Variants in TENM2 observed in about 807,000 individuals in gnomAD.
TENM2 encodes teneurin transmembrane protein 2, also known as teneurin-2.
Under a neutral mutation model 245.2 loss-of-function variants are expected in TENM2, and 52 were observed. The observed-to-expected ratio is 0.21, with a 90% CI of 0.17 to 0.27. The LOEUF is 0.27. TENM2 is among the 10% of genes least tolerant of loss of function. TENM2 has a pLI of 1.00. For missense variants in TENM2, 3,046 were observed against 3,666.8 expected, an observed-to-expected ratio of 0.83 and a Z score of 4.37; for synonymous variants, 1,363 against 1,438.9, an observed-to-expected ratio of 0.95 and a Z score of 1.19.
intron 2 of TENM2, among the ~76,000 whole-genome samples, chr5:167,865,796 A>C (rs1772266880): frequency 6.6e-6 from 1 of 152,214 alleles, no homozygotes; most frequent in African/African-American, 2.4e-5. Context: ...ATTTAAATTC[A>C]GAATCAACTC....
intron 3 of TENM2, among the ~76,000 whole-genome samples, chr5:167,884,387 T>A (rs897519794): frequency 2.6e-5 from 4 of 152,180 alleles, no homozygotes; most frequent in Non-Finnish European, 4.4e-5. Flanking sequence ...ACAGAAACTC[T>A]ATACCCATTA....
intron 4 of TENM2, among the ~76,000 whole-genome samples, chr5:167,986,491 T>G (rs1783256140): frequency 6.6e-6 from 1 of 152,180 alleles, no homozygotes; most frequent in Non-Finnish European, 1.5e-5. Flanking sequence ...AAGAAGTGTG[T>G]GAGCTCCTCT....
chr5:167,609,549 A>AAAGAAAAG (rs1011076028), intron 2 of TENM2, among the ~76,000 whole-genome samples: 3 of 149,766 alleles, frequency 2.0e-5, no homozygotes, highest in African/African-American at 7.4e-5. Flanking sequence ...GAAATTAGAG[A>AAAGAAAAG]AAGAAAAGAA....
At chr5:167,616,774 C>A (rs1777816001) in intron 2 of TENM2, among the ~76,000 whole-genome samples, 1 of 151,996 alleles carries the variant, frequency 6.6e-6, no homozygotes, top group Non-Finnish European at 1.5e-5. Context: ...TTGATTTACT[C>A]AAACATAAAA....
chr5:167,347,501 G>A (rs1758540702), intron 1 of TENM2, among the ~76,000 whole-genome samples: 1 of 152,160 alleles, frequency 6.6e-6, no homozygotes, highest in South Asian at 2.1e-4. Context: ...AGGAAATGAA[G>A]TTAAAATAAT....
intron 2 of TENM2, among the ~76,000 whole-genome samples, chr5:167,525,086 C>G (rs1294647443): frequency 6.6e-6 from 1 of 151,838 alleles, no homozygotes; most frequent in African/African-American, 2.4e-5. Flanking sequence ...GTTGATCTTC[C>G]CAAACTGTGT....
chr5:168,218,887 G>C lies in TENM2; in HGVS notation c.4996G>C (p.Gly1666Arg), dbSNP rs749195329. Residue 1666 changes from glycine to arginine, a missense_variant, in exon 23 of 29, where the codon GGC (glycine) becomes CGC (arginine). Transcript: ENST00000518659. The surrounding 1 kb of genome is among the most constrained non-coding windows in gnomAD (Gnocchi z 5.2). ...CACCCTCACCGTGGGCACCAATGGAGGCCTCAAAGTCGTGTCCACACAGAA... is the reference window on the plus strand; with the variant it reads ...CACCCTCACCGTGGGCACCAATGGACGCCTCAAAGTCGTGTCCACACAGAA... 1 of 1,613,968 alleles carries C rather than the reference G, an allele frequency of 6.2e-7. No homozygotes were observed. Among genetic ancestry groups the C allele is most frequent in the South Asian group, 1.1e-5 (1 of 91,062 alleles).
intron 14 of TENM2, 87 bp downstream of exon 16, chr5:168,190,634 A>C: frequency 7.9e-7 from 1 of 1,269,664 alleles, no homozygotes; most frequent in Non-Finnish European, 1.1e-6. Context: ...TTTCCCGGGG[A>C]CCCAATTGGC....
chr5:168,146,955 A>G lies in TENM2; in HGVS notation c.2423-15656A>G, dbSNP rs541658674. The stretch of plus-strand genomic sequence containing the variant: ...CCCCCCTTCACCTGTCGGGAAAGTC[A>G]TCCTCTGCAGGAGTGTGTCCTTGGT... On this transcript the variant is annotated intron_variant, in intron 12 of 28. Coordinates refer to ENST00000518659, the Ensembl canonical transcript of TENM2. Among the ~76,000 whole-genome samples, 11 of 152,344 alleles carry G rather than the reference A, an allele frequency of 7.2e-5. No homozygotes were observed. The East Asian group carries it at 1.9e-3, about 27-fold the overall frequency.
At chr5:167,445,336 T>TATAGGGAGAGAGAGAGAG (rs368881390) in intron 2 of TENM2, among the ~76,000 whole-genome samples, 1 of 77,316 alleles carries the variant, frequency 1.3e-5, no homozygotes, top group African/African-American at 5.6e-5. Context: ...TATATATATA[T>TATAGGGAGAGAGAGAGAG]AGAGAGAGAG....
chr5:167,307,233 AG>A (rs542268623), intron 1 of TENM2, among the ~76,000 whole-genome samples: 210 of 152,316 alleles, frequency 1.4e-3, no homozygotes, highest in African/African-American at 4.8e-3. Flanking sequence ...GTTCAAGCTT[AG>A]TGTTGTCAGA....
chr5:168,016,827 T>TA (rs1785699479), intron 5 of TENM2, among the ~76,000 whole-genome samples: 2 of 152,228 alleles, frequency 1.3e-5, no homozygotes, highest in African/African-American at 4.8e-5. Flanking sequence ...TTGTCATCTA[T>TA]AAAATGGTAA....
intron 1 of TENM2, among the ~76,000 whole-genome samples, chr5:167,367,356 T>C (rs1326911612): frequency 6.6e-6 from 1 of 152,182 alleles, no homozygotes; most frequent in Non-Finnish European, 1.5e-5. Context: ...AATGTAATTC[T>C]TAAAGCACAC....
chr5:167,095,392 G>C, the TENM2 span, among the ~76,000 whole-genome samples: 2 of 152,244 alleles, frequency 1.3e-5, no homozygotes, highest in Admixed American at 1.3e-4. Flanking sequence ...AAATAAAGAA[G>C]GGGGATTGGG....
intron 2 of TENM2, among the ~76,000 whole-genome samples, chr5:167,661,014 A>G (rs1160055255): frequency 6.6e-6 from 1 of 152,194 alleles, no homozygotes; most frequent in Non-Finnish European, 1.5e-5. Context: ...ATCACAGTGC[A>G]TAGACTCAGC....
the TENM2 span, among the ~76,000 whole-genome samples, chr5:167,127,628 T>TTA: frequency 1.6e-5 from 2 of 123,100 alleles, no homozygotes; most frequent in Non-Finnish European, 3.4e-5. Context: ...TTTTTTTTTT[T>TTA]AAAAAAAAAA....
At chr5:168,256,666 C>G (rs1344465053) in intron 27 of TENM2, among the ~76,000 whole-genome samples, 1 of 152,142 alleles carries the variant, frequency 6.6e-6, no homozygotes, top group African/African-American at 2.4e-5. Context: ...CGCAGGTGAT[C>G]CACCCGCCTC....
intron 1 of TENM2, among the ~76,000 whole-genome samples, chr5:167,313,610 C>T (rs1287334535): frequency 1.3e-5 from 2 of 152,152 alleles, no homozygotes; most frequent in East Asian, 3.9e-4. Flanking sequence ...ATTATTAAGT[C>T]TGTGACACCA....
chr5:168,238,273 A>AGAAAG (rs1562321300), intron 25 of TENM2, among the ~76,000 whole-genome samples: 18 of 150,152 alleles, frequency 1.2e-4, no homozygotes, highest in African/African-American at 3.7e-4. Context: ...AGAAAAGAAA[A>AGAAAG]GAAAAGAAAA....
Sources: allele counts gnomAD v4.1 joint callset (sites outside exome capture counted in the v4.1 genomes callset), GRCh38; gene constraint gnomAD v4.1.1; non-coding constraint Gnocchi (gnomAD v3.1); transcripts MANE v1.5; gene names NCBI Gene and HGNC (gene_info 2026-07-23, HGNC 2026-07-21).